Variants in SORCS2 observed in about 807,000 individuals in gnomAD.
The protein encoded by SORCS2 is VPS10 domain-containing receptor SorCS2.
A neutral mutation model predicts 141.6 loss-of-function variants in SORCS2; 100 were observed. That is an observed-to-expected ratio of 0.71 (90% CI 0.60 to 0.83). The LOEUF is 0.83. Among genes scored for constraint, SORCS2 ranks in the 40% least tolerant of loss-of-function variants. The pLI is 0.00. For missense variants in SORCS2, 1,646 were observed against 1,560.2 expected (o/e 1.05, Z -0.93); for synonymous variants, 789 against 676.9 (o/e 1.17, Z -2.57).
At chr4:7,621,232 C>G (rs1008286100) in intron 3 of SORCS2, among the ~76,000 whole-genome samples, 1 of 152,208 alleles carries the variant, frequency 6.6e-6, no homozygotes, top group Non-Finnish European at 1.5e-5. Flanking sequence ...GGCACAGGGT[C>G]TTTCCTGGGT....
chr4:7,654,950 C>T (rs936992679), intron 5 of SORCS2, among the ~76,000 whole-genome samples: 10 of 152,168 alleles, frequency 6.6e-5, no homozygotes, highest in African/African-American at 9.7e-5. Context: ...AGCACCCCAG[C>T]CTCACTGCAC....
chr4:7,715,369 C>G (rs1726123922), intron 17 of SORCS2, 58 bp downstream of exon 17: 1 of 1,591,258 alleles, frequency 6.3e-7, no homozygotes, highest in Admixed American at 1.7e-5. Flanking sequence ...TGTGGTGCAG[C>G]CCCGAAACCA....
intron 3 of SORCS2, among the ~76,000 whole-genome samples, chr4:7,543,863 C>G (rs1038512194): frequency 1.5e-5 from 1 of 66,738 alleles, no homozygotes; most frequent in Non-Finnish European, 3.2e-5. Flanking sequence ...CATCCATCCA[C>G]CCATCCATCC....
chr4:7,491,414 G>A (rs145511051), intron 2 of SORCS2, among the ~76,000 whole-genome samples: 173 of 152,364 alleles, frequency 1.1e-3, no homozygotes, highest in African/African-American at 4.0e-3. Context: ...CCCTGCATGA[G>A]CATGCCCCTC....
chr4:7,725,422 C>A, intron 20 of SORCS2, 135 bp downstream of exon 20: 2 of 1,302,538 alleles, frequency 1.5e-6, no homozygotes, highest in Non-Finnish European at 2.0e-6. Context: ...TGGGCCCCTC[C>A]TGGGGCAGTT....
chr4:7,202,766 T>C (rs3815181), intron 1 of SORCS2, among the ~76,000 whole-genome samples: 23,640 of 152,086 alleles, frequency 0.16, 2,082 homozygotes, highest in East Asian at 0.25. Flanking sequence ...TCAGACGTAG[T>C]GATAACATCT....
At chr4:7,225,516 C>T (rs915922844) in intron 1 of SORCS2, among the ~76,000 whole-genome samples, 7 of 152,236 alleles carry the variant, frequency 4.6e-5, no homozygotes, top group South Asian at 2.1e-4. Flanking sequence ...CAGCATGGCA[C>T]GGCCAACGCT....
At chr4:7,490,700 G>T (rs547342043) in intron 2 of SORCS2, among the ~76,000 whole-genome samples, 1 of 152,286 alleles carries the variant, frequency 6.6e-6, no homozygotes, top group South Asian at 2.1e-4. Context: ...CCAGTGAAAT[G>T]GGGGCAGGTT....
intron 1 of SORCS2, among the ~76,000 whole-genome samples, chr4:7,210,457 T>G (rs899425798): frequency 6.6e-6 from 1 of 152,230 alleles, no homozygotes; most frequent in Non-Finnish European, 1.5e-5. Flanking sequence ...AATTTTAATT[T>G]TTTTGTAGAG....
chr4:7,666,559 C>T (rs1290539510), intron 7 of SORCS2, among the ~76,000 whole-genome samples: 2 of 152,174 alleles, frequency 1.3e-5, no homozygotes, highest in African/African-American at 4.8e-5. Context: ...GGTGGCGGTG[C>T]TGGTGGCTCA....
At chr4:7,425,586 C>T (rs1039074130) in intron 2 of SORCS2, among the ~76,000 whole-genome samples, 4 of 152,184 alleles carry the variant, frequency 2.6e-5, no homozygotes, top group Admixed American at 6.5e-5. Flanking sequence ...CACAGAGAAA[C>T]GTCAGAGGCT....
intron 5 of SORCS2, 83 bp downstream of exon 5, chr4:7,654,290 C>A: frequency 7.3e-7 from 1 of 1,377,266 alleles, no homozygotes; most frequent in South Asian, 1.2e-5. Context: ...GAGCCCATCC[C>A]TGCAGCTCCC....
chr4:7,229,989 C>T (rs904486290), intron 1 of SORCS2, among the ~76,000 whole-genome samples: 3 of 127,706 alleles, frequency 2.3e-5, no homozygotes, highest in Non-Finnish European at 4.9e-5. Context: ...GTCAAGTCTT[C>T]GAGTCTCTGG....
At chr4:7,196,270 C>T (rs1390342035) in intron 1 of SORCS2, among the ~76,000 whole-genome samples, 2 of 152,166 alleles carry the variant, frequency 1.3e-5, no homozygotes, top group African/African-American at 4.8e-5. Context: ...GCACACACAG[C>T]TCTGGGTTTT....
chr4:7,497,721 G>A (rs1731713956), intron 2 of SORCS2, among the ~76,000 whole-genome samples: 1 of 152,236 alleles, frequency 6.6e-6, no homozygotes, highest in East Asian at 1.9e-4. Context: ...GGTCCCCACC[G>A]CACAGGTTGG....
At chr4:7,536,738 C>T (rs1712154534) in intron 3 of SORCS2, among the ~76,000 whole-genome samples, 1 of 151,340 alleles carries the variant, frequency 6.6e-6, no homozygotes, top group Non-Finnish European at 1.5e-5. Flanking sequence ...AACTTATCTA[C>T]TTGGAGTTTC....
chr4:7,343,470 A>G (rs942810479), intron 1 of SORCS2, among the ~76,000 whole-genome samples: 3 of 152,198 alleles, frequency 2.0e-5, no homozygotes, highest in African/African-American at 7.2e-5. Context: ...TGACGTGCAC[A>G]GCCCCGGGTT....
In SORCS2 at chr4:7,387,961, CACACAGAT is replaced by C. The variant is rs1292525565; in HGVS notation, c.481-8319_481-8312del. Among the ~76,000 whole-genome samples the C allele has an allele frequency of 2.9e-3, 428 of 145,090 alleles. 5 individuals carry two copies. The highest frequency in any genetic ancestry group is 0.011 in the African/African-American group (409 of 37,168). Reference sequence around the variant, plus strand: ...CGATACACATACACACATGCACACACACACAGATACACAGAGATACACATGCACACATG... The same window carrying C: ...CGATACACATACACACATGCACACACACACAGAGATACACATGCACACATG... On this transcript the variant is annotated intron_variant, in intron 1 of 26. Coordinates refer to ENST00000507866, the MANE Select transcript of SORCS2 (RefSeq NM_020777.3).
At position 7,655,632 on chromosome 4, in the gene SORCS2, C is replaced by T. The variant is rs551449135; in HGVS notation, c.887+1425C>T. Among the ~76,000 whole-genome samples the T allele has an allele frequency of 1.2e-4, 19 of 152,340 alleles. No individual in the cohort carries two copies. The South Asian group carries it at 2.3e-3, about 18-fold the overall frequency. On this transcript the variant is annotated intron_variant, in intron 5 of 26. Transcript: ENST00000507866. Reference sequence around the variant, plus strand: ...GGGAGAGGCGACGGCCGTCTGTCTGCGGATTGCCCACGGGAGGGCCCGGTT... The same window carrying T: ...GGGAGAGGCGACGGCCGTCTGTCTGTGGATTGCCCACGGGAGGGCCCGGTT...
Sources: gnomAD v4.1 joint callset for allele counts (sites outside exome capture counted in the v4.1 genomes callset) on GRCh38, gnomAD v4.1.1 for gene constraint, MANE v1.5 for transcripts, NCBI Gene and HGNC (gene_info 2026-07-23, HGNC 2026-07-21) for gene names.